The following RALYL variants were observed in gnomAD, a reference collection of about 807,000 sequenced individuals.
RALYL encodes RALY RNA binding protein like.
In RALYL, 29 loss-of-function variants were observed where a neutral mutation model predicts 35.1. The observed-to-expected ratio is 0.83, with a 90% CI of 0.61 to 1.13. The LOEUF (loss-of-function observed/expected upper bound fraction) is 1.13, where lower values mean the gene tolerates loss of function less well. Among genes scored for constraint, RALYL ranks in the 50% most tolerant of loss-of-function variants. The probability of loss-of-function intolerance (pLI) is 0.00; values close to 1 mark genes in which losing one functional copy is unlikely to be tolerated. For synonymous variants in RALYL, 120 were observed against 127.6 expected (o/e 0.94, Z 0.40); for missense variants, 359 against 360.4 (o/e 1.00, Z 0.03).
chr8:84,314,404 A>G (rs1843369677), intron 1 of RALYL, among the ~76,000 whole-genome samples: 1 of 152,122 alleles, frequency 6.6e-6, no homozygotes, highest in African/African-American at 2.4e-5. Flanking sequence ...AAGATAAGAA[A>G]TGGAAAATAT....
intron 2 of RALYL, among the ~76,000 whole-genome samples, chr8:84,752,560 G>T (rs1472513792): frequency 1.3e-5 from 2 of 152,086 alleles, no homozygotes; most frequent in Non-Finnish European, 2.9e-5. Flanking sequence ...AGAGAGCTTT[G>T]CAGCAGTTCC....
chr8:84,229,053 A>G (rs1256868620), intron 1 of RALYL, among the ~76,000 whole-genome samples: 1 of 152,206 alleles, frequency 6.6e-6, no homozygotes, highest in African/African-American at 2.4e-5. Flanking sequence ...TGCCATACTC[A>G]GGCTCCAGCT....
At chr8:84,682,732 T>G (rs1835841652) in intron 2 of RALYL, among the ~76,000 whole-genome samples, 1 of 152,168 alleles carries the variant, frequency 6.6e-6, no homozygotes, top group South Asian at 2.1e-4. Flanking sequence ...CGTCTCTCTT[T>G]TCTTCTTTAT....
intron 2 of RALYL, among the ~76,000 whole-genome samples, chr8:84,701,579 A>G (rs956968992): frequency 6.6e-6 from 1 of 152,180 alleles, no homozygotes; most frequent in African/African-American, 2.4e-5. Flanking sequence ...ATAATTCGAT[A>G]CATTTGATCT....
At chr8:84,439,298 C>G (rs1318385792) in intron 1 of RALYL, among the ~76,000 whole-genome samples, 1 of 152,040 alleles carries the variant, frequency 6.6e-6, no homozygotes, top group Non-Finnish European at 1.5e-5. Context: ...AGAGATCTTT[C>G]AACTCACAGG....
At chr8:84,648,738 ATATAT>A (rs1315785009) in intron 2 of RALYL, among the ~76,000 whole-genome samples, 2 of 151,524 alleles carry the variant, frequency 1.3e-5, no homozygotes, top group African/African-American at 4.8e-5. Context: ...GAAATTATTA[ATATAT>A]TATTTGAATT....
chr8:84,333,251 G>T (rs116793902), intron 1 of RALYL, among the ~76,000 whole-genome samples: 3,902 of 152,146 alleles, frequency 0.026, 160 homozygotes, highest in African/African-American at 0.088. Flanking sequence ...TGTTTGTTCA[G>T]TCTCACCATA....
At chr8:84,870,482 G>GT (rs916313466) in intron 6 of RALYL, among the ~76,000 whole-genome samples, 62 of 151,196 alleles carry the variant, frequency 4.1e-4, no homozygotes, top group African/African-American at 1.3e-3. Flanking sequence ...TTTTTGACAA[G>GT]TTTTTTTTGT....
chr8:84,368,769 G>T (rs550558103), intron 1 of RALYL, among the ~76,000 whole-genome samples: 65 of 152,314 alleles, frequency 4.3e-4, no homozygotes, highest in African/African-American at 1.5e-3. Flanking sequence ...CCCACAACAT[G>T]TGGGAATTAT....
intron 1 of RALYL, among the ~76,000 whole-genome samples, chr8:84,213,399 A>C (rs921586926): frequency 3.3e-5 from 5 of 152,228 alleles, no homozygotes; most frequent in Non-Finnish European, 5.9e-5. Context: ...CCATCTCAAC[A>C]ACAACAAATA....
At chr8:84,307,996 A>G (rs112228017) in intron 1 of RALYL, among the ~76,000 whole-genome samples, 36 of 152,136 alleles carry the variant, frequency 2.4e-4, no homozygotes, top group Middle Eastern at 6.8e-3. Context: ...GTAAAGGCTA[A>G]TTGAGCTGCC....
intron 1 of RALYL, among the ~76,000 whole-genome samples, chr8:84,339,958 T>A (rs1031029655): frequency 1.3e-5 from 2 of 152,084 alleles, no homozygotes; most frequent in African/African-American, 4.8e-5. Flanking sequence ...AGGGACCCAA[T>A]GGAAGGTAAT....
chr8:84,684,523 G>A (rs753242436), intron 2 of RALYL, among the ~76,000 whole-genome samples: 33 of 152,150 alleles, frequency 2.2e-4, no homozygotes, highest in Non-Finnish European at 4.1e-4. Context: ...ATTTGAAGAT[G>A]AAGAGAAATG....
At chr8:84,516,940 A>G (rs532653857) in intron 1 of RALYL, among the ~76,000 whole-genome samples, 1 of 152,360 alleles carries the variant, frequency 6.6e-6, no homozygotes, top group Non-Finnish European at 1.5e-5. Flanking sequence ...TAAGACATAC[A>G]TTGAATATTT....
At chr8:84,578,230 C>A (rs1267926655) in intron 2 of RALYL, among the ~76,000 whole-genome samples, 1 of 152,252 alleles carries the variant, frequency 6.6e-6, no homozygotes, top group Non-Finnish European at 1.5e-5. Context: ...TGCAAGCCTG[C>A]AGCTGGATTA....
At chr8:84,519,850 G>GCTTTGA (rs1283860054) in intron 1 of RALYL, among the ~76,000 whole-genome samples, 6 of 152,156 alleles carry the variant, frequency 3.9e-5, no homozygotes, top group Non-Finnish European at 7.4e-5. Context: ...TTCCAAATGG[G>GCTTTGA]TTTTGATTTT....
intron 2 of RALYL, among the ~76,000 whole-genome samples, chr8:84,656,376 A>G (rs141972761): frequency 0.014 from 2,115 of 152,248 alleles, 54 homozygotes; most frequent in African/African-American, 0.048. Context: ...TTCTACTTAT[A>G]GGAATATGAC....
At chr8:84,405,539 C>A (rs2043386368) in intron 1 of RALYL, among the ~76,000 whole-genome samples, 1 of 152,086 alleles carries the variant, frequency 6.6e-6, no homozygotes, top group Admixed American at 6.6e-5. Context: ...CACCACTGAT[C>A]CCACAGAAAT....
chr8:84,896,619 A>T (rs1001801537), intron 8 of RALYL, among the ~76,000 whole-genome samples: 1 of 151,984 alleles, frequency 6.6e-6, no homozygotes, highest in African/African-American at 2.4e-5. Context: ...TTCACACCAC[A>T]TCAGCTCTGT....
Sources: allele counts gnomAD v4.1 joint callset (sites outside exome capture counted in the v4.1 genomes callset), GRCh38; gene constraint gnomAD v4.1.1; transcripts MANE v1.5; gene names NCBI Gene and HGNC (gene_info 2026-07-23, HGNC 2026-07-21).